The following SYNE1 variants were observed in gnomAD, a reference collection of about 807,000 sequenced individuals.
SYNE1 encodes the protein nesprin-1.
SYNE1 carries 616 observed loss-of-function variants against 1,111.0 expected under a neutral mutation model. That is an observed-to-expected ratio of 0.55 (90% CI 0.52 to 0.59). The LOEUF is 0.59. SYNE1 is among the 20% of genes least tolerant of loss of function. SYNE1 has a pLI of 0.00. For missense variants in SYNE1, 10,006 were observed against 10,417.0 expected, an observed-to-expected ratio of 0.96 and a Z score of 1.72; for synonymous variants, 3,855 against 3,825.8, an observed-to-expected ratio of 1.01 and a Z score of -0.28.
At chr6:152,318,762 A>G (rs1234566875) in intron 85 of SYNE1, 101 bp downstream of exon 85, 2 of 1,452,814 alleles carry the variant, frequency 1.4e-6, no homozygotes, top group Non-Finnish European at 1.9e-6. Flanking sequence ...TTGGTTTTAA[A>G]AAAGGTTCCT....
intron 18 of SYNE1, chr6:152,464,656 G>C (rs566147684): frequency 6.5e-6 from 1 of 153,912 alleles, no homozygotes; most frequent in Non-Finnish European, 1.4e-5. Context: ...AAAATGCCAG[G>C]CTCCCATTAG....
intron 3 of SYNE1, among the ~76,000 whole-genome samples, chr6:152,552,160 G>T (rs1019048961): frequency 3.3e-5 from 5 of 152,160 alleles, no homozygotes; most frequent in African/African-American, 9.7e-5. Context: ...GCTGGTCACA[G>T]TGTTCGTATA....
intron 3 of SYNE1, among the ~76,000 whole-genome samples, chr6:152,620,866 G>A (rs2099673859): frequency 6.6e-6 from 1 of 152,190 alleles, no homozygotes; most frequent in South Asian, 2.1e-4. Context: ...ACTGATGTGA[G>A]TTTGACCCAA....
intron 37 of SYNE1, 31 bp downstream of exon 37, chr6:152,428,174 G>T: frequency 6.2e-7 from 1 of 1,610,496 alleles, no homozygotes. Flanking sequence ...CTATTTAGTA[G>T]TGCAGCAACT....
At chr6:152,304,599 C>T (rs886628887) in intron 91 of SYNE1, among the ~76,000 whole-genome samples, 4 of 152,092 alleles carry the variant, frequency 2.6e-5, no homozygotes, top group African/African-American at 9.7e-5. Flanking sequence ...GCTGAGATTA[C>T]AGGCGTGAGC....
chr6:152,593,290 A>G (rs1309796468), intron 3 of SYNE1, among the ~76,000 whole-genome samples: 3 of 152,180 alleles, frequency 2.0e-5, no homozygotes, highest in Non-Finnish European at 2.9e-5. Context: ...GTGTTATGAA[A>G]TGACATAGCT....
intron 130 of SYNE1, among the ~76,000 whole-genome samples, chr6:152,168,709 T>A (rs1035884006): frequency 2.0e-5 from 3 of 152,116 alleles, no homozygotes; most frequent in Non-Finnish European, 4.4e-5. Context: ...GCCAGCTCGG[T>A]AGTGTATGCA....
chr6:152,419,216 T>C (rs1025355874), intron 40 of SYNE1, among the ~76,000 whole-genome samples: 10 of 152,298 alleles, frequency 6.6e-5, no homozygotes, highest in African/African-American at 2.4e-4. Flanking sequence ...AGAAAAACTA[T>C]ATCCTTAAAG....
chr6:152,512,903 G>A (rs571556639), intron 6 of SYNE1, among the ~76,000 whole-genome samples: 2 of 152,278 alleles, frequency 1.3e-5, no homozygotes, highest in African/African-American at 4.8e-5. Flanking sequence ...AGAATTTCCA[G>A]AAGCCAGAAG....
chr6:152,626,099 ATAAAACACAACAT>A (rs1234806415), intron 3 of SYNE1, among the ~76,000 whole-genome samples: 1 of 152,182 alleles, frequency 6.6e-6, no homozygotes, highest in African/African-American at 2.4e-5. Flanking sequence ...AAAAAACATA[ATAAAACACAACAT>A]TAAATCATCC....
chr6:152,443,194 C>A (rs75932808), intron 30 of SYNE1, among the ~76,000 whole-genome samples: 1 of 151,934 alleles, frequency 6.6e-6, no homozygotes, highest in African/African-American at 2.4e-5. Flanking sequence ...TTTATTGGAC[C>A]TAAAGTAAAT....
intron 87 of SYNE1, chr6:152,315,070 A>C (rs1562998395): frequency 6.6e-6 from 1 of 151,040 alleles, no homozygotes; most frequent in Admixed American, 6.6e-5. Flanking sequence ...TTGGAAAAAA[A>C]TTATTTCACA....
intron 6 of SYNE1, among the ~76,000 whole-genome samples, chr6:152,514,222 C>G (rs992510362): frequency 6.6e-6 from 1 of 152,146 alleles, no homozygotes; most frequent in Admixed American, 6.5e-5. Context: ...AGACTTGGAA[C>G]CAATCCAAAT....
Position 152,435,969 on chromosome 6 carries a change from T to G in SYNE1, c.4282A>C (p.Lys1428Gln), listed in dbSNP as rs1233642866. ...TCTTCAAGCGTGTCTTCTAATTTTT[T>G]GACTTGTTCTTTGATTGACTTGGCC... ...QQAKSIKEQV[K>Q]KLEDTLEEDI... Residue 1428 changes from lysine to glutamine, a missense_variant, in exon 33 of 146, where the codon AAA becomes CAA. Physicochemically the swap from Lys to Gln is moderately conservative, Grantham distance 53. Around this residue, in one of 7 missense-constraint regions of SYNE1, gnomAD observed 1,971 missense variants for 2,084.1 expected, o/e 0.95. Transcript: ENST00000367255. 6.2e-7 allele frequency: 1 copy of G among 1,614,162 alleles called. No homozygotes were observed. The highest frequency in any genetic ancestry group is 2.2e-5 in the East Asian group (1 of 44,872).
Position 152,354,794 on chromosome 6 carries a change from C to T in SYNE1, c.10791G>A (p.Val3597=). The T allele has an allele frequency of 6.2e-7, 1 of 1,614,188 alleles. No homozygotes were observed. Residue 3597 remains valine, a synonymous_variant, in exon 67 of 146, where the codon GTG becomes GTA. Coordinates refer to ENST00000367255, the MANE Select transcript of SYNE1 (RefSeq NM_182961.4). Reference sequence around the variant, plus strand: ...TTTGCTCCATTAGCCTCAATTTGTTCACCACGTTATTGAACTGAGTTCGAG... The same window carrying T: ...TTTGCTCCATTAGCCTCAATTTGTTTACCACGTTATTGAACTGAGTTCGAG... The part of the protein sequence containing the change: ...SETRTQFNNV[V]NKLRLMEQKF...
chr6:152,536,576 G>A (rs2099244085), intron 4 of SYNE1, among the ~76,000 whole-genome samples: 1 of 150,342 alleles, frequency 6.7e-6, no homozygotes, highest in Admixed American at 6.7e-5. Flanking sequence ...CCCAATGGCG[G>A]CCAATGACTT....
Position 152,600,889 on chromosome 6 carries a change from G to A in SYNE1, c.67+27376C>T, listed in dbSNP as rs562662748. Among the ~76,000 whole-genome samples the A allele has an allele frequency of 2.2e-4, 34 of 152,160 alleles. 2 individuals are homozygous for A. The highest frequency in any genetic ancestry group is 7.0e-4 in the African/African-American group (29 of 41,516). On this transcript the variant is annotated intron_variant, in intron 3 of 145. Transcript: ENST00000367255. The stretch of plus-strand genomic sequence containing the variant: ...AAAACTCTTACTTAAATGAAACTAC[G>A]GTAAAAATGATATTTTAGTAAAGAA...
At chr6:152,153,627 C>A (rs1271450395) in intron 133 of SYNE1, among the ~76,000 whole-genome samples, 3 of 152,146 alleles carry the variant, frequency 2.0e-5, no homozygotes, top group Non-Finnish European at 4.4e-5. Context: ...GTGTAAGATG[C>A]AGTTGAGCAG....
chr6:152,191,734 C>A (rs2635454), intron 127 of SYNE1, among the ~76,000 whole-genome samples: 58,721 of 151,806 alleles, frequency 0.39, 11,444 homozygotes, highest in African/African-American at 0.45. Flanking sequence ...TTGTTTTCTT[C>A]ATTTCCATTT....
Sources: gnomAD v4.1 joint callset for allele counts (sites outside exome capture counted in the v4.1 genomes callset) on GRCh38, gnomAD v4.1.1 for gene constraint, gnomAD v4.1.1 regional missense constraint, MANE v1.5 for transcripts, NCBI Gene and HGNC (gene_info 2026-07-23, HGNC 2026-07-21) for gene names.